Variants in TAB1 observed in about 807,000 individuals in gnomAD.
TAB1 encodes the protein TGF-beta-activated kinase 1 and MAP3K7-binding protein 1.
Under a neutral mutation model 54.5 loss-of-function variants are expected in TAB1, and 30 were observed. The ratio of observed to expected loss-of-function variants is 0.55; its 90% CI spans 0.41 to 0.75. The LOEUF (loss-of-function observed/expected upper bound fraction) is 0.75, where lower values mean the gene tolerates loss of function less well. TAB1 is among the 30% of genes least tolerant of loss of function. The pLI is 0.00. For missense variants in TAB1, 609 were observed against 683.2 expected (o/e 0.89, Z 1.21); for synonymous variants, 289 against 286.9 (o/e 1.01, Z -0.07).
chr22:39,414,128 T>G (rs1926724260), intron 1 of TAB1, among the ~76,000 whole-genome samples: 1 of 151,902 alleles, frequency 6.6e-6, no homozygotes. Context: ...CAGGGTGCCG[T>G]TGGGGTACAT....
intron 8 of TAB1, among the ~76,000 whole-genome samples, chr22:39,423,626 AG>A (rs1000370266): frequency 1.7e-4 from 26 of 152,316 alleles, no homozygotes; most frequent in African/African-American, 6.3e-4. Context: ...CAATATCATG[AG>A]GAAAAAGTCT....
chr22:39,430,661 C>T lies in TAB1; in HGVS notation c.*439C>T, dbSNP rs1601702609. On this transcript the variant is annotated 3_prime_UTR_variant, in exon 11 of 11. Coordinates refer to ENST00000216160, the MANE Select transcript of TAB1 (RefSeq NM_006116.3). Reference sequence around the variant, plus strand: ...CCTCCCTCACCTCGGGACAGTAGCCCTCCACTTCTCCAGCCTCTCAGCCCT... The same window carrying T: ...CCTCCCTCACCTCGGGACAGTAGCCTTCCACTTCTCCAGCCTCTCAGCCCT... 2.8e-6 allele frequency: 3 copies of T among 1,067,484 alleles called. No homozygotes were observed. The East Asian group carries it at 2.1e-4, about 73-fold the overall frequency. 66.1% of individuals were successfully genotyped at this position (1,067,484 alleles called of 1,614,324 possible). A position where few individuals can be genotyped will look rare whatever the true frequency, so the allele number is the denominator to read the frequency against.
chr22:39,426,977 G>T, intron 9 of TAB1, 52 bp downstream of exon 9: 2 of 1,572,868 alleles, frequency 1.3e-6, no homozygotes, highest in East Asian at 2.3e-5. Flanking sequence ...CTGGGGGCCA[G>T]AGGTGGGTGC....
At chr22:39,423,527 C>T (rs1352409483) in intron 8 of TAB1, among the ~76,000 whole-genome samples, 2 of 152,172 alleles carry the variant, frequency 1.3e-5, no homozygotes, top group Non-Finnish European at 2.9e-5. Context: ...ATCGCTTGAA[C>T]CCGGGAGGTG....
At chr22:39,421,698 T>C (rs1927097605) in intron 7 of TAB1, 129 bp from the exon 8 acceptor site, 1 of 1,013,008 alleles carries the variant, frequency 9.9e-7, no homozygotes. Context: ...CTTTCTCTCT[T>C]TTCTTTTCCT....
chr22:39,412,320 G>T (rs1329808526), intron 1 of TAB1, among the ~76,000 whole-genome samples: 1 of 152,160 alleles, frequency 6.6e-6, no homozygotes, highest in Non-Finnish European at 1.5e-5. Context: ...GATTACAGGC[G>T]TGAGCCACTG....
In TAB1 at chr22:39,418,845, G is replaced by A. The variant is rs376484699; in HGVS notation, c.664G>A (p.Gly222Ser). ...EDELFRLSQL[G>S]LDAGKIKQVG... is the part of the protein sequence containing the mutation. Reference sequence around the variant, plus strand: ...TGAGCTCTTCCGTCTTTCGCAGCTGGGTGAGTGGGGAGAGTGGGAGCGGAA... The same window carrying A: ...TGAGCTCTTCCGTCTTTCGCAGCTGAGTGAGTGGGGAGAGTGGGAGCGGAA... Residue 222 changes from glycine (G) to serine (S), a missense_variant and splice_region_variant, in exon 6 of 11, where the codon GGC becomes AGC. Gly to Ser is a moderately conservative substitution (Grantham distance 56). Transcript: ENST00000216160. The A allele has an allele frequency of 1.2e-6, 2 of 1,612,420 alleles. No individual in the cohort carries two copies. The highest frequency in any genetic ancestry group is 8.5e-7 in the Non-Finnish European group (1 of 1,178,636).
At chr22:39,420,361 T>C (rs1927015415) in intron 7 of TAB1, among the ~76,000 whole-genome samples, 1 of 152,214 alleles carries the variant, frequency 6.6e-6, no homozygotes, top group Non-Finnish European at 1.5e-5. Flanking sequence ...ATTTGGAATA[T>C]GTGTCCTTAA....
Position 39,417,755 on chromosome 22 carries a change from T to C in TAB1, c.456T>C (p.Leu152=), listed in dbSNP as rs763717814. 9 of 1,613,092 alleles carry C rather than the reference T, an allele frequency of 5.6e-6. No homozygotes were observed. The East Asian group carries it at 1.8e-4, about 32-fold the overall frequency. Residue 152 remains leucine (L), a synonymous_variant, in exon 5 of 11, where the codon CTT becomes CTC. Coordinates refer to ENST00000216160, the MANE Select transcript of TAB1 (RefSeq NM_006116.3). ...HQLPPQYQKI[L]ERLKTLEREI... ...TGCCTCCTCAGTATCAGAAGATCCT[T>C]GAGAGACTCAAGACGTTAGAGAGGG...
downstream of TAB1, chr22:39,436,477 T>A (rs1413625783): frequency 1.2e-6 from 2 of 1,609,518 alleles, no homozygotes; most frequent in African/African-American, 1.3e-5. Context: ...TGAAGTTTCC[T>A]CCTGATTTTC....
chr22:39,433,969 G>A (rs1177549899), downstream of TAB1: 1 of 266,464 alleles, frequency 3.8e-6, no homozygotes, highest in Non-Finnish European at 5.7e-6. Flanking sequence ...CCTGCTCCAC[G>A]GGAGCAAGGG....
intron 1 of TAB1, among the ~76,000 whole-genome samples, chr22:39,409,894 G>A (rs369880307): frequency 2.0e-5 from 3 of 152,130 alleles, no homozygotes; most frequent in Non-Finnish European, 2.9e-5. Flanking sequence ...TTCTGTGTCC[G>A]CAGTACCCAG....
At chr22:39,434,779 CAG>C (rs1381729227), downstream of TAB1, among the ~76,000 whole-genome samples, 3 of 152,254 alleles carry the variant, frequency 2.0e-5, no homozygotes, top group African/African-American at 7.2e-5. Context: ...TCTCCCATCA[CAG>C]AGGGGCCAGG....
intron 1 of TAB1, among the ~76,000 whole-genome samples, chr22:39,407,489 G>GT (rs201603990): frequency 0.016 from 2,288 of 141,630 alleles, 38 homozygotes; most frequent in East Asian, 0.079. Context: ...TTGTTGTTTT[G>GT]TTTTTTTTTT....
At chr22:39,405,791 C>T (rs762845509) in intron 1 of TAB1, among the ~76,000 whole-genome samples, 4 of 152,204 alleles carry the variant, frequency 2.6e-5, no homozygotes, top group Non-Finnish European at 5.9e-5. Flanking sequence ...CGGGAGAACA[C>T]GATCCAAGCC....
rs57470997 is a variant in TAB1 at position 39,413,961 on chromosome 22, C to T, written c.34-1045C>T. 6.1e-3 allele frequency among the ~76,000 whole-genome samples: 935 copies of T among 152,290 alleles called. 13 individuals are homozygous for T. The highest frequency in any genetic ancestry group is 0.043 in the East Asian group (224 of 5,184). On this transcript the variant is annotated intron_variant, in intron 1 of 10. Coordinates refer to ENST00000216160, the MANE Select transcript of TAB1 (RefSeq NM_006116.3). ...TGCTCAGGATGTACCCTAGGGAGAT[C>T]TGGGAAATTCAGAAATTGTGTTTAG...
At chr22:39,421,771 G>T (rs1601695528) in intron 7 of TAB1, 56 bp from the exon 8 acceptor site, 1 of 1,595,118 alleles carries the variant, frequency 6.3e-7, no homozygotes, top group Non-Finnish European at 8.6e-7. Flanking sequence ...AGCAGAATCA[G>T]CATCCACCTG....
At chr22:39,401,297 A>G (rs969537120) in intron 1 of TAB1, among the ~76,000 whole-genome samples, 2 of 152,190 alleles carry the variant, frequency 1.3e-5, no homozygotes, top group African/African-American at 2.4e-5. Context: ...AGGCCTCCCC[A>G]GTGGGGATTG....
intron 1 of TAB1, chr22:39,414,731 T>C (rs562626987): frequency 2.5e-6 from 1 of 401,552 alleles, no homozygotes; most frequent in Non-Finnish European, 4.5e-6. Context: ...CTAGGTTTCA[T>C]AACGGCTCAC....
Sources: gnomAD v4.1 joint callset for allele counts (sites outside exome capture counted in the v4.1 genomes callset) on GRCh38, gnomAD v4.1.1 for gene constraint, MANE v1.5 for transcripts, NCBI Gene and HGNC (gene_info 2026-07-23, HGNC 2026-07-21) for gene names.